SESN1: variants seen among roughly 807,000 people sequenced by gnomAD.
SESN1 encodes the protein sestrin-1.
Under a neutral mutation model 59.3 loss-of-function variants are expected in SESN1, and 30 were observed. The ratio of observed to expected loss-of-function variants is 0.51; its 90% CI spans 0.38 to 0.69. The LOEUF (loss-of-function observed/expected upper bound fraction) is 0.69. SESN1 is among the 30% of genes least tolerant of loss of function. The pLI is 0.00. For missense variants in SESN1, 566 were observed against 673.0 expected, an observed-to-expected ratio of 0.84 and a Z score of 1.76; for synonymous variants, 197 against 219.9, an observed-to-expected ratio of 0.90 and a Z score of 0.92.
chr6:108,987,606 CT>C lies in SESN1; in HGVS notation c.1593del (p.Ile531MetfsTer13). 1 of 1,599,574 alleles carries C rather than the reference CT, an allele frequency of 6.3e-7. No homozygotes were observed. Among genetic ancestry groups the C allele is most frequent in the Non-Finnish European group, 8.6e-7 (1 of 1,167,930 alleles). ...AGGAGTTCTGCTTGCATCCTAGCTT[CT>C]ATAAGAAGCAGATTAACATGAACCT... ...SEKVHVNLLL[I>X]EARMQAELLY... On this transcript the variant is annotated frameshift_variant, in exon 10 of 10. Transcript: ENST00000436639. LOFTEE classifies it high-confidence loss of function.
intron 6 of SESN1, among the ~76,000 whole-genome samples, chr6:108,994,111 G>A (rs761744050): frequency 1.1e-4 from 15 of 136,158 alleles, no homozygotes; most frequent in Non-Finnish European, 2.0e-4. Flanking sequence ...CTGCACTTCA[G>A]CCTGGCAACA....
At position 109,000,668 on chromosome 6, in the gene SESN1, C is replaced by T. The variant is rs535211670; in HGVS notation, c.552G>A (p.Ala184=). 137 of 1,567,788 alleles carry T rather than the reference C, an allele frequency of 8.7e-5. 1 individual carries two copies. The highest frequency in any genetic ancestry group is 7.6e-4 in the South Asian group (61 of 80,306). Reference sequence around the variant, plus strand: ...CTAAGTAGGAGCACTGATGTCTTGCCGCAGCCTTAAAACAAAAAGATTATT... The same window carrying T: ...CTAAGTAGGAGCACTGATGTCTTGCTGCAGCCTTAAAACAAAAAGATTATT... ...HYRHYIGIMA[A]ARHQCSYLVN... The change falls in exon 4 of 10, where the codon GCG becomes GCA. Residue 184 remains alanine, a synonymous_variant. Transcript: ENST00000436639.
intron 1 of SESN1, among the ~76,000 whole-genome samples, chr6:109,043,578 A>G (rs776841632): frequency 1.3e-5 from 2 of 152,178 alleles, no homozygotes; most frequent in African/African-American, 2.4e-5. Context: ...ATAGACCATC[A>G]GTGAACAACT....
Position 109,067,674 on chromosome 6 carries a change from A to G in SESN1, c.279+26121T>C, listed in dbSNP as rs563436344. On this transcript the variant is annotated intron_variant, in intron 1 of 9. Transcript: ENST00000436639. ...ACTGCACTCACCTTGACTATTCACA[A>G]GAGCAATTTATTTTTGCTGCTGCCT... 1.1e-4 allele frequency among the ~76,000 whole-genome samples: 17 copies of G among 152,274 alleles called. No individual in the cohort carries two copies. In the South Asian group the frequency reaches 1.7e-3, roughly 15 times the overall value.
Position 109,050,973 on chromosome 6 carries a change from G to A in SESN1, c.279+42822C>T, listed in dbSNP as rs767141755. On this transcript the variant is annotated intron_variant, in intron 1 of 9. Transcript: ENST00000436639. The stretch of plus-strand genomic sequence containing the variant: ...AATATTATGAGTGGACGTTTGTTAT[G>A]GTTAAAGTTGTTCAATTAGCATGAC... Among the ~76,000 whole-genome samples the A allele has an allele frequency of 8.0e-4, 122 of 152,268 alleles. 1 individual carries two copies. Among genetic ancestry groups the A allele is most frequent in the Non-Finnish European group, 1.1e-3 (72 of 68,020 alleles).
chr6:108,995,579 G>A (rs1485282480), intron 5 of SESN1, among the ~76,000 whole-genome samples: 1 of 152,160 alleles, frequency 6.6e-6, no homozygotes, highest in Non-Finnish European at 1.5e-5. Flanking sequence ...ACAAAAGCTA[G>A]ATCAAATCTA....
intron 8 of SESN1, 30 bp from the exon 9 acceptor site, chr6:108,988,717 A>C: frequency 6.5e-7 from 1 of 1,543,662 alleles, no homozygotes; most frequent in Non-Finnish European, 8.8e-7. Flanking sequence ...GAATTATGAT[A>C]TTTTCAGTGT....
intron 1 of SESN1, chr6:109,088,373 CTATT>C (rs1477771479): frequency 6.6e-6 from 1 of 151,900 alleles, no homozygotes; most frequent in Non-Finnish European, 1.5e-5. Context: ...CATTTTCAAT[CTATT>C]TATTACTCAA....
intron 3 of SESN1, 21 bp downstream of exon 3, chr6:109,001,267 T>C (rs1204103534): frequency 6.2e-7 from 1 of 1,605,314 alleles, no homozygotes; most frequent in Non-Finnish European, 8.5e-7. Flanking sequence ...AAAAACAATT[T>C]TTCACTGAAT....
chr6:109,076,740 G>A (rs912065115), intron 1 of SESN1, among the ~76,000 whole-genome samples: 7 of 152,086 alleles, frequency 4.6e-5, no homozygotes, highest in Non-Finnish European at 1.0e-4. Flanking sequence ...TTGTGTAAAT[G>A]ACAGACAAAC....
chr6:109,013,278 G>C (rs749181036), intron 1 of SESN1, among the ~76,000 whole-genome samples: 9 of 152,158 alleles, frequency 5.9e-5, no homozygotes, highest in Non-Finnish European at 8.8e-5. Flanking sequence ...TAGGGGCAAG[G>C]AGATGAGTTA....
rs1779157537 is a variant in SESN1, at chr6:108,985,432, G to C, written c.*2112C>G. The stretch of plus-strand genomic sequence containing the variant: ...TCCCTAATTATTTTGGAAACTACTG[G>C]TTTCAAAGATTATATAGTAACATTA... On this transcript the variant is annotated 3_prime_UTR_variant, in exon 10 of 10. Transcript: ENST00000436639. 6.6e-6 allele frequency among the ~76,000 whole-genome samples: 1 copy of C among 152,054 alleles called. No homozygotes were observed. The highest frequency in any genetic ancestry group is 1.5e-5 in the Non-Finnish European group (1 of 68,014).
chr6:109,090,340 C>T (rs1781290989), intron 1 of SESN1, among the ~76,000 whole-genome samples: 4 of 152,162 alleles, frequency 2.6e-5, no homozygotes, highest in Admixed American at 2.6e-4. Context: ...AGATTACACA[C>T]TTGACCCTTG....
intron 6 of SESN1, 51 bp downstream of exon 6, chr6:108,994,411 A>C: frequency 6.8e-7 from 1 of 1,474,940 alleles, no homozygotes; most frequent in Non-Finnish European, 9.3e-7. Flanking sequence ...TTCTCTAAAT[A>C]AAAAGTTGAG....
chr6:109,006,399 T>C (rs894202767), intron 1 of SESN1, among the ~76,000 whole-genome samples: 2 of 152,118 alleles, frequency 1.3e-5, no homozygotes, highest in South Asian at 4.1e-4. Context: ...GCTGCACCCA[T>C]TAACTTGTCA....
At chr6:108,998,146 CAA>C (rs1003586896) in intron 5 of SESN1, among the ~76,000 whole-genome samples, 3 of 152,162 alleles carry the variant, frequency 2.0e-5, no homozygotes, top group East Asian at 1.9e-4. Flanking sequence ...GTGATTGGCA[CAA>C]AAAGTCTCCA....
chr6:109,046,231 T>C (rs1020778329), intron 1 of SESN1, among the ~76,000 whole-genome samples: 1 of 149,156 alleles, frequency 6.7e-6, no homozygotes, highest in Non-Finnish European at 1.5e-5. Context: ...GTGCCTGCGA[T>C]TGCAGGCACG....
intron 1 of SESN1, among the ~76,000 whole-genome samples, chr6:109,006,161 A>G (rs1421130076): frequency 6.6e-6 from 1 of 152,212 alleles, no homozygotes; most frequent in African/African-American, 2.4e-5. Context: ...CTATGATACT[A>G]AAGTTTAGAA....
chr6:109,071,472 A>G (rs557070733), intron 1 of SESN1, among the ~76,000 whole-genome samples: 9 of 152,104 alleles, frequency 5.9e-5, no homozygotes, highest in African/African-American at 2.2e-4. Context: ...AGAGATGGTA[A>G]GTAACTTCCT....
Sources: gnomAD v4.1 joint callset for allele counts (sites outside exome capture counted in the v4.1 genomes callset) on GRCh38, gnomAD v4.1.1 for gene constraint, MANE v1.5 for transcripts, NCBI Gene and HGNC (gene_info 2026-07-23, HGNC 2026-07-21) for gene names.